The following HECTD4 variants were observed in gnomAD, a reference collection of about 807,000 sequenced individuals.
The protein encoded by HECTD4 is probable E3 ubiquitin-protein ligase HECTD4.
A neutral mutation model predicts 471.5 loss-of-function variants in HECTD4; 114 were observed. That is an observed-to-expected ratio of 0.24 (90% CI 0.21 to 0.28). The LOEUF (loss-of-function observed/expected upper bound fraction) is 0.28, where lower values mean the gene tolerates loss of function less well. HECTD4 is among the 10% of genes least tolerant of loss of function. HECTD4 has a pLI of 1.00. For synonymous variants in HECTD4, 2,012 were observed against 2,256.0 expected, an observed-to-expected ratio of 0.89 and a Z score of 3.07; for missense variants, 3,866 against 5,651.5, an observed-to-expected ratio of 0.68 and a Z score of 10.13.
rs760947859 is a variant in HECTD4 at position 112,304,238 on chromosome 12, ATTT to A, written c.1335+1823_1335+1825del. ...CCATTATTCTTAGGCTAAAGACCTA[ATTT>A]TTTTTTTTTTTTTTTTTTTTTGAGA... On this transcript the variant is annotated intron_variant, in intron 7 of 75. Transcript: ENST00000682272. Among the ~76,000 whole-genome samples the A allele has an allele frequency of 7.7e-5, 8 of 104,380 alleles. No individual in the cohort carries two copies. The South Asian group carries it at 1.6e-3, about 21-fold the overall frequency. 68.5% of individuals were successfully genotyped at this position (104,380 alleles called of 152,430 possible).
chr12:112,334,206 C>G (rs989357439), intron 1 of HECTD4, among the ~76,000 whole-genome samples: 4 of 136,366 alleles, frequency 2.9e-5, no homozygotes, highest in African/African-American at 1.1e-4. Context: ...CAGACTCCCT[C>G]TTAAATAAAT....
chr12:112,191,862 T>C (rs1045424466), intron 59 of HECTD4, among the ~76,000 whole-genome samples: 9 of 152,228 alleles, frequency 5.9e-5, no homozygotes, highest in African/African-American at 1.9e-4. Flanking sequence ...AGCCCAGGCC[T>C]GTTATTTTGG....
Position 112,213,714 on chromosome 12 carries a change from ATATAT to A in HECTD4, c.7466-1069_7466-1065del, listed in dbSNP as rs1408514403. On this transcript the variant is annotated intron_variant, in intron 48 of 75. Coordinates refer to ENST00000682272, the MANE Select transcript of HECTD4 (RefSeq NM_001388303.1). The surrounding 1 kb of genome is among the most constrained non-coding windows in gnomAD (Gnocchi z 4.0). ...AAAATATATACATATATATATATAT[ATATAT>A]AATATATATATAAAATTTAAGGCCA... 6.2e-5 allele frequency among the ~76,000 whole-genome samples: 9 copies of A among 145,924 alleles called. No homozygotes were observed. Among genetic ancestry groups the A allele is most frequent in the Non-Finnish European group, 1.0e-4 (7 of 66,838 alleles).
chr12:112,185,368 A>T lies in HECTD4; in HGVS notation c.9598T>A (p.Ser3200Thr), dbSNP rs772156482. 1 of 1,609,900 alleles carries T rather than the reference A, an allele frequency of 6.2e-7. No homozygotes were observed. The highest frequency in any genetic ancestry group is 8.5e-7 in the Non-Finnish European group (1 of 1,178,530). ...CAGGGGTTCAGCTGGAGGGCGATTGAGGAGGACAGGCCAGCGGGGTGCCGC... is the reference window on the plus strand; with the variant it reads ...CAGGGGTTCAGCTGGAGGGCGATTGTGGAGGACAGGCCAGCGGGGTGCCGC... ...QRRHPAGLSS[S>T]IALQLNPCLA... Residue 3200 changes from serine to threonine, a missense_variant, in exon 61 of 76, where the codon TCA (serine) becomes ACA (threonine). Transcript: ENST00000682272.
intron 1 of HECTD4, among the ~76,000 whole-genome samples, chr12:112,362,515 A>C (rs1360065966): frequency 6.6e-6 from 1 of 152,122 alleles, no homozygotes; most frequent in African/African-American, 2.4e-5. Context: ...GGAGGGGAGC[A>C]CATCAGGAGA....
chr12:112,265,895 A>C lies in HECTD4; in HGVS notation c.2481T>G (p.Asp827Glu). The change falls in exon 15 of 76, where the codon GAT (aspartate) becomes GAG (glutamate). Residue 827 changes from aspartate (D) to glutamate (E), a missense_variant. Coordinates refer to ENST00000682272, the MANE Select transcript of HECTD4 (RefSeq NM_001388303.1). ...EQLQNNRFGS[D>E]EDDHYRLNDE... is the part of the protein sequence containing the mutation. ...GGTGTCACCTGTAATGATCATCCTC[A>C]TCACTGCCAAATCGGTTGTTTTGGA... The C allele has an allele frequency of 1.9e-6, 3 of 1,613,518 alleles. No homozygotes were observed. The highest frequency in any genetic ancestry group is 2.5e-6 in the Non-Finnish European group (3 of 1,179,464).
chr12:112,365,387 C>A (rs1266950560), intron 1 of HECTD4, among the ~76,000 whole-genome samples: 1 of 152,088 alleles, frequency 6.6e-6, no homozygotes, highest in Non-Finnish European at 1.5e-5. Flanking sequence ...CAGAGTGAGA[C>A]CCTGTCTCTA....
At position 112,184,760 on chromosome 12, in the gene HECTD4, G is replaced by A. The variant is rs754791281; in HGVS notation, c.10206C>T (p.Ser3402=). Reference sequence around the variant, plus strand: ...CCTCGTCCAGGTGGGTGGGGATCCCGGAGATCACCAGCAAGCGGCTGTGGG... The same window carrying A: ...CCTCGTCCAGGTGGGTGGGGATCCCAGAGATCACCAGCAAGCGGCTGTGGG... ...PTAHSRLLVI[S]GIPTHLDEGV... is the part of the protein sequence containing the mutation. The change falls in exon 61 of 76, where the codon TCC becomes TCT. Residue 3402 remains serine, a synonymous_variant. Transcript: ENST00000682272. The surrounding 1 kb of genome is among the most constrained non-coding windows in gnomAD (Gnocchi z 9.1). The A allele has an allele frequency of 8.7e-5, 141 of 1,611,466 alleles. No homozygotes were observed. Among genetic ancestry groups the A allele is most frequent in the Non-Finnish European group, 1.1e-4 (135 of 1,178,304 alleles).
chr12:112,366,493 T>C (rs1402760785), intron 1 of HECTD4, among the ~76,000 whole-genome samples: 2 of 152,098 alleles, frequency 1.3e-5, no homozygotes, highest in Non-Finnish European at 2.9e-5. Flanking sequence ...GTACTCAGCC[T>C]GGACAACAAA....
At chr12:112,322,566 A>C (rs773713880) in intron 1 of HECTD4, 2 of 152,562 alleles carry the variant, frequency 1.3e-5, no homozygotes, top group Non-Finnish European at 2.9e-5. Flanking sequence ...ATAAGCATCT[A>C]AGAATGCAGA....
Position 112,234,826 on chromosome 12 carries a change from T to C in HECTD4, c.5915+251A>G, listed in dbSNP as rs1428315437. 1.3e-5 allele frequency among the ~76,000 whole-genome samples: 2 copies of C among 152,222 alleles called. 1 individual carries two copies. The highest frequency in any genetic ancestry group is 2.9e-5 in the Non-Finnish European group (2 of 68,034). On this transcript the variant is annotated intron_variant, in intron 37 of 75. Transcript: ENST00000682272. ...TCGTCCACATGGCTTTAGCTCTCAG[T>C]TGCACTTAGAGAGACAGTACCAAGT...
intron 4 of HECTD4, among the ~76,000 whole-genome samples, chr12:112,311,663 A>AG (rs2035374855): frequency 1.3e-5 from 2 of 151,560 alleles, no homozygotes; most frequent in Admixed American, 6.6e-5. Context: ...AGAGAGAGAG[A>AG]AAAAAAGAAA....
At position 112,239,153 on chromosome 12, in the gene HECTD4, C is replaced by T. The variant is rs202074851; in HGVS notation, c.5189G>A (p.Ser1730Asn). ...CTTCTTGGTCTGTTTCTCACTGGAG[C>T]TGGACTCGGTCTGATTGCTCAAGCT... ...LCSLSNQTESSSSEKQTKKQK... is the reference protein window; with the variant it reads ...LCSLSNQTESNSSEKQTKKQK... Residue 1730 changes from serine to asparagine, a missense_variant, in exon 34 of 76, where the codon AGC becomes AAC. By Grantham distance (46) the Ser-to-Asn change is conservative. This residue lies in a region of HECTD4 where 229 missense variants were observed against 386.4 expected (regional missense o/e 0.59). Coordinates refer to ENST00000682272, the MANE Select transcript of HECTD4 (RefSeq NM_001388303.1). The surrounding 1 kb of genome is among the most constrained non-coding windows in gnomAD (Gnocchi z 4.9). 4.2e-5 allele frequency: 68 copies of T among 1,613,976 alleles called. No homozygotes were observed. In the African/African-American group the frequency reaches 7.9e-4, roughly 19 times the overall value.
In HECTD4 at chr12:112,193,807, A is replaced by G; in HGVS notation, c.8750-133T>C. 1.3e-6 allele frequency: 1 copy of G among 751,810 alleles called. No individual in the cohort carries two copies. The highest frequency in any genetic ancestry group is 2.2e-6 in the Non-Finnish European group (1 of 450,050). The allele number at this position is 751,810 out of a possible 1,614,324, so 46.6% of individuals were successfully genotyped here. A position where few individuals can be genotyped will look rare whatever the true frequency, so the allele number is the denominator to read the frequency against. ...GGTTATCCTGGATATGATGTCCTGG[A>G]TAACAGATGCCGGCAATCAGATCCT... On this transcript the variant is annotated intron_variant, in intron 56 of 75. Coordinates refer to ENST00000682272, the MANE Select transcript of HECTD4 (RefSeq NM_001388303.1). The surrounding 1 kb of genome is among the most constrained non-coding windows in gnomAD (Gnocchi z 5.2).
intron 20 of HECTD4, 66 bp downstream of exon 20, chr12:112,258,430 G>A (rs1173730532): frequency 9.2e-7 from 1 of 1,082,334 alleles, no homozygotes; most frequent in Non-Finnish European, 1.3e-6. Context: ...TTTCATAAAA[G>A]GAGTACTACG....
intron 1 of HECTD4, among the ~76,000 whole-genome samples, chr12:112,347,298 C>T (rs1026308269): frequency 2.6e-5 from 4 of 152,120 alleles, no homozygotes; most frequent in African/African-American, 7.2e-5. Flanking sequence ...TCACTTGAGG[C>T]CGGGAGTTCA....
chr12:112,191,826 T>C (rs141477445), intron 59 of HECTD4, among the ~76,000 whole-genome samples: 13 of 152,350 alleles, frequency 8.5e-5, no homozygotes, highest in Non-Finnish European at 7.3e-5. Flanking sequence ...CTAAGATGCA[T>C]TGTCTCAAGG....
chr12:112,222,674 CA>C (rs550761793), intron 44 of HECTD4, among the ~76,000 whole-genome samples: 340 of 151,638 alleles, frequency 2.2e-3, no homozygotes, highest in Non-Finnish European at 4.1e-3. Context: ...CTTTTAAAAA[CA>C]AACAAAAAAT....
At chr12:112,311,332 C>T (rs527936159) in intron 4 of HECTD4, among the ~76,000 whole-genome samples, 2 of 151,280 alleles carry the variant, frequency 1.3e-5, no homozygotes, top group Non-Finnish European at 2.9e-5. Flanking sequence ...CGCCGTGGCT[C>T]GCACCTACAA....
Sources: gnomAD v4.1 joint callset for allele counts (sites outside exome capture counted in the v4.1 genomes callset) on GRCh38, gnomAD v4.1.1 for gene constraint, gnomAD v4.1.1 regional missense constraint, Gnocchi (gnomAD v3.1) non-coding constraint, MANE v1.5 for transcripts, NCBI Gene and HGNC (gene_info 2026-07-23, HGNC 2026-07-21) for gene names.